Variants in PXDN observed in about 807,000 individuals in gnomAD.
PXDN encodes the protein peroxidasin homolog.
PXDN carries 77 observed loss-of-function variants against 140.3 expected under a neutral mutation model. The ratio of observed to expected loss-of-function variants is 0.55; its 90% confidence interval spans 0.46 to 0.66. PXDN has a LOEUF of 0.66. PXDN is among the 30% of genes least tolerant of loss of function. PXDN has a pLI of 0.00. For synonymous variants in PXDN, 911 were observed against 857.4 expected, an observed-to-expected ratio of 1.06 and a Z score of -1.09; for missense variants, 1,838 against 2,039.5, an observed-to-expected ratio of 0.90 and a Z score of 1.90.
At chr2:1,659,280 G>C (rs1039251373) in intron 14 of PXDN, among the ~76,000 whole-genome samples, 3 of 152,190 alleles carry the variant, frequency 2.0e-5, no homozygotes, top group African/African-American at 7.2e-5. Flanking sequence ...ATGTATACAT[G>C]GACAACTCAA....
intron 10 of PXDN, among the ~76,000 whole-genome samples, chr2:1,665,727 C>T (rs925700724): frequency 2.6e-5 from 4 of 152,208 alleles, no homozygotes; most frequent in African/African-American, 4.8e-5. Context: ...TGTTTTCCAA[C>T]AAAGTCCCAC....
rs77493634 is a variant in PXDN, at chr2:1,721,311, G to A, written c.200+22945C>T. ...TGTCAGAATTCAAACAACTGAACGG[G>A]AATAGTTTCAACAACGGTACGGGTT... is the stretch of plus-strand genomic sequence containing the variant. On this transcript the variant is annotated intron_variant, in intron 1 of 22. Coordinates refer to ENST00000252804, the MANE Select transcript of PXDN (RefSeq NM_012293.3). Among the ~76,000 whole-genome samples, 1,174 of 152,290 alleles carry A rather than the reference G, an allele frequency of 7.7e-3. 7 individuals carry two copies. Among genetic ancestry groups the A allele is most frequent in the Middle Eastern group, 0.027 (8 of 294 alleles).
upstream of PXDN, chr2:1,744,554 G>A: frequency 9.9e-7 from 1 of 1,005,366 alleles, no homozygotes; most frequent in Non-Finnish European, 1.3e-6. Flanking sequence ...CTGTGCGCGG[G>A]GGGCGGGGGG....
chr2:1,743,078 G>T (rs1318685453), intron 1 of PXDN, among the ~76,000 whole-genome samples: 1 of 152,224 alleles, frequency 6.6e-6, no homozygotes, highest in African/African-American at 2.4e-5. Flanking sequence ...CTGAAACGCA[G>T]CCCGCGTTCA....
At chr2:1,664,790 G>A in intron 11 of PXDN, 168 bp downstream of exon 11, 2 of 603,022 alleles carry the variant, frequency 3.3e-6, no homozygotes, top group South Asian at 4.4e-5. Flanking sequence ...GGAAGCCGCG[G>A]GGGATGTGCA....
Position 1,633,569 on chromosome 2 carries a change from C to G in PXDN, c.*635G>C, listed in dbSNP as rs574343809. On this transcript the variant is annotated 3_prime_UTR_variant, in exon 23 of 23. Coordinates refer to ENST00000252804, the MANE Select transcript of PXDN (RefSeq NM_012293.3). ...GATGCTGACGTGTGGTGAAATGTTA[C>G]AGAGAGCCCAGAGGAAGGAGGAGTT... is the stretch of plus-strand genomic sequence containing the variant. 6.6e-6 allele frequency: 1 copy of G among 151,868 alleles called. No individual in the cohort carries two copies. Among genetic ancestry groups the G allele is most frequent in the South Asian group, 2.1e-4 (1 of 4,712 alleles). 9.4% of individuals were successfully genotyped at this position (151,868 alleles called of 1,614,324 possible). A position where few individuals can be genotyped will look rare whatever the true frequency, so the allele number is the denominator to read the frequency against.
At chr2:1,744,111 C>T (rs1572211679) in intron 1 of PXDN, 145 bp downstream of exon 1, 2 of 951,926 alleles carry the variant, frequency 2.1e-6, no homozygotes, top group Non-Finnish European at 2.9e-6. Context: ...TTCGGAGGTT[C>T]CCTTCTGCGT....
intron 14 of PXDN, among the ~76,000 whole-genome samples, chr2:1,658,165 G>A (rs1376066911): frequency 6.6e-6 from 1 of 150,696 alleles, no homozygotes; most frequent in African/African-American, 2.4e-5. Context: ...GGCCTCTGAG[G>A]CTGCAGCTCC....
At chr2:1,726,043 A>G (rs1685174107) in intron 1 of PXDN, among the ~76,000 whole-genome samples, 2 of 151,730 alleles carry the variant, frequency 1.3e-5, no homozygotes, top group African/African-American at 4.8e-5. Flanking sequence ...ATCTAGAACT[A>G]GAAATACCAT....
Position 1,660,081 on chromosome 2 carries a change from A to G in PXDN, c.1837+800T>C, listed in dbSNP as rs1683267530. 6.6e-6 allele frequency among the ~76,000 whole-genome samples: 1 copy of G among 152,130 alleles called. No individual in the cohort carries two copies. The highest frequency in any genetic ancestry group is 1.5e-5 in the Non-Finnish European group (1 of 68,028). On this transcript the variant is annotated intron_variant, in intron 14 of 22. Coordinates refer to ENST00000252804, the MANE Select transcript of PXDN (RefSeq NM_012293.3). This position sits in a 1 kb window ranked among gnomAD's most constrained non-coding sequence, Gnocchi z 4.6. ...AGTGTTGCTAACTCTAGGGGGACAG[A>G]GCAGGAGTGGGGAACACACCACTGA...
At chr2:1,719,041 C>T (rs544905229) in intron 1 of PXDN, among the ~76,000 whole-genome samples, 4 of 152,384 alleles carry the variant, frequency 2.6e-5, no homozygotes, top group African/African-American at 9.6e-5. Context: ...AAACACCGGG[C>T]ACAGCAGCCG....
In PXDN at chr2:1,649,408, G is replaced by GC; in HGVS notation, c.2371dup (p.Ala791GlyfsTer76). ...GGACACCAGGCGCGGCATGGGAAGG[G>GC]CGTGCCCGTTGTACAGTCGGTGGGG... On this transcript the variant is annotated frameshift_variant, in exon 17 of 23. Transcript: ENST00000252804. LOFTEE classifies it high-confidence loss of function. The surrounding 1 kb of genome is among the most constrained non-coding windows in gnomAD (Gnocchi z 7.1). 1 of 1,613,984 alleles carries GC rather than the reference G, an allele frequency of 6.2e-7. No individual in the cohort carries two copies. Among genetic ancestry groups the GC allele is most frequent in the Non-Finnish European group, 8.5e-7 (1 of 1,179,896 alleles).
rs1199626810 is a variant in PXDN, at chr2:1,720,715, C to CTCTCTGCATCTCTT, written c.200+23540_200+23541insAAGAGATGCAGAGA. On this transcript the variant is annotated intron_variant, in intron 1 of 22. Transcript: ENST00000252804. The stretch of plus-strand genomic sequence containing the variant: ...TCTCTCTCTGCATCTCTTTCTCTCT[C>CTCTCTGCATCTCTT]TCTCTCTCTCACACACACACACACA... 2.5e-3 allele frequency among the ~76,000 whole-genome samples: 193 copies of CTCTCTGCATCTCTT among 76,102 alleles called. 1 individual carries two copies. Among genetic ancestry groups the CTCTCTGCATCTCTT allele is most frequent in the African/African-American group, 7.9e-3 (138 of 17,412 alleles). The allele number at this position is 76,102 out of a possible 152,430, so 49.9% of individuals were successfully genotyped here.
chr2:1,700,986 C>T (rs888697748), intron 1 of PXDN, among the ~76,000 whole-genome samples: 2 of 152,148 alleles, frequency 1.3e-5, no homozygotes, highest in Non-Finnish European at 2.9e-5. Context: ...TAACCGATGC[C>T]ACACGCCCTC....
intron 14 of PXDN, among the ~76,000 whole-genome samples, chr2:1,657,169 C>CT (rs1683161908): frequency 6.8e-6 from 1 of 146,640 alleles, no homozygotes; most frequent in African/African-American, 2.6e-5. Flanking sequence ...CTCCTACTGA[C>CT]TGGGGGGGAA....
Position 1,648,437 on chromosome 2 carries a change from C to A in PXDN, c.3343G>T (p.Asp1115Tyr), listed in dbSNP as rs1558488392. 6.2e-7 allele frequency: 1 copy of A among 1,610,632 alleles called. No individual in the cohort carries two copies. Among genetic ancestry groups the A allele is most frequent in the African/African-American group, 1.3e-5 (1 of 75,042 alleles). The change falls in exon 17 of 23, where the codon GAT becomes TAT. Residue 1115 changes from aspartate (D) to tyrosine (Y), a missense_variant. By Grantham distance (160) the Asp-to-Tyr change is radical. Transcript: ENST00000252804. The surrounding 1 kb of genome is among the most constrained non-coding windows in gnomAD (Gnocchi z 8.9). ...CCGAACAGCCCCCTGAGAAGCGGATCGATGCCGCCCTCATTCACAATCCGG... is the reference window on the plus strand; with the variant it reads ...CCGAACAGCCCCCTGAGAAGCGGATAGATGCCGCCCTCATTCACAATCCGG... ...PFRIVNEGGIDPLLRGLFGVA... is the reference protein window; with the variant it reads ...PFRIVNEGGIYPLLRGLFGVA...
intron 4 of PXDN, among the ~76,000 whole-genome samples, chr2:1,686,767 T>TC (rs1351814782): frequency 6.6e-6 from 1 of 152,134 alleles, no homozygotes; most frequent in Non-Finnish European, 1.5e-5. Context: ...GGATGCACAA[T>TC]CCCAGAGTGG....
intron 6 of PXDN, among the ~76,000 whole-genome samples, chr2:1,682,643 T>G (rs1473411152): frequency 6.6e-6 from 1 of 152,158 alleles, no homozygotes; most frequent in Non-Finnish European, 1.5e-5. Flanking sequence ...TTGGAAGCCT[T>G]AAAAAATGGG....
chr2:1,681,728 T>A (rs1683912348), intron 6 of PXDN, among the ~76,000 whole-genome samples: 1 of 151,882 alleles, frequency 6.6e-6, no homozygotes, highest in African/African-American at 2.4e-5. Flanking sequence ...GTCAGCCACG[T>A]GCCCAGGGCA....
Sources: allele counts gnomAD v4.1 joint callset (sites outside exome capture counted in the v4.1 genomes callset), GRCh38; gene constraint gnomAD v4.1.1; non-coding constraint Gnocchi (gnomAD v3.1); transcripts MANE v1.5; gene names NCBI Gene and HGNC (gene_info 2026-07-23, HGNC 2026-07-21).